ZNF227: variants seen among roughly 807,000 people sequenced by gnomAD.
ZNF227 encodes zinc finger protein 227.
A neutral mutation model predicts 13.2 loss-of-function variants in ZNF227; 12 were observed. That is an observed-to-expected ratio of 0.91 (90% CI 0.58 to 1.47). ZNF227 has a LOEUF of 1.47. Among genes scored for constraint, ZNF227 ranks in the 40% most tolerant of loss-of-function variants. The probability of loss-of-function intolerance (pLI) is 0.00; values close to 1 mark genes in which losing one functional copy is unlikely to be tolerated. For synonymous variants in ZNF227, 338 were observed against 326.0 expected (o/e 1.04, Z -0.40); for missense variants, 885 against 967.5 (o/e 0.91, Z 1.13).
At position 44,236,966 on chromosome 19, in the gene ZNF227, T is replaced by C. The variant is rs1281753759; in HGVS notation, c.*136T>C. 2 of 675,238 alleles carry C rather than the reference T, an allele frequency of 3.0e-6. No homozygotes were observed. The highest frequency in any genetic ancestry group is 4.2e-5 in the South Asian group (2 of 47,918). The allele number at this position is 675,238 out of a possible 1,614,324, so 41.8% of individuals were successfully genotyped here. On this transcript the variant is annotated 3_prime_UTR_variant, in exon 6 of 6. Transcript: ENST00000313040. ...TCACACTTGGAATCTTTCTAACAAA[T>C]CCATCAAGATGATAACACAGAACCA...
At chr19:44,228,597 TG>T in intron 4 of ZNF227, 25 bp downstream of exon 4, 2 of 1,584,300 alleles carry the variant, frequency 1.3e-6, no homozygotes, top group Non-Finnish European at 1.7e-6. Flanking sequence ...TCTCTGACCC[TG>T]AACTTCAGTT....
At chr19:44,231,114 ATT>A (rs933641893) in intron 5 of ZNF227, among the ~76,000 whole-genome samples, 7 of 141,920 alleles carry the variant, frequency 4.9e-5, no homozygotes, top group East Asian at 2.0e-4. Context: ...GATGATGTGA[ATT>A]TTTTTTTTTT....
At chr19:44,209,373 T>C (rs1282706081), upstream of ZNF227, among the ~76,000 whole-genome samples, 1 of 152,174 alleles carries the variant, frequency 6.6e-6, no homozygotes, top group Non-Finnish European at 1.5e-5. Flanking sequence ...CGGTAGAAAT[T>C]AAAAGTAATT....
At chr19:44,210,948 C>A (rs888505707), upstream of ZNF227, among the ~76,000 whole-genome samples, 3 of 152,098 alleles carry the variant, frequency 2.0e-5, no homozygotes, top group Non-Finnish European at 4.4e-5. Context: ...AATCCTAGCA[C>A]TTTGGGAGGC....
chr19:44,221,522 G>A (rs1432578263), intron 3 of ZNF227, among the ~76,000 whole-genome samples: 2 of 152,176 alleles, frequency 1.3e-5, no homozygotes, highest in Non-Finnish European at 2.9e-5. Context: ...GTGATGGTGA[G>A]CATTTTTTCA....
At chr19:44,208,038 GATA>G (rs1204265937), upstream of ZNF227, among the ~76,000 whole-genome samples, 1 of 152,160 alleles carries the variant, frequency 6.6e-6, no homozygotes, top group African/African-American at 2.4e-5. Flanking sequence ...GAGAGACGAA[GATA>G]ATAGACCTCT....
Position 44,234,769 on chromosome 19 carries a change from G to T in ZNF227, c.339G>T (p.Glu113Asp). 1 of 1,612,834 alleles carries T rather than the reference G, an allele frequency of 6.2e-7. No homozygotes were observed. The highest frequency in any genetic ancestry group is 8.5e-7 in the Non-Finnish European group (1 of 1,179,758). The change falls in exon 6 of 6, where the codon GAG becomes GAT. Residue 113 changes from glutamate to aspartate, a missense_variant. Physicochemically the swap from Glu to Asp is conservative, Grantham distance 45 (BLOSUM62 2). Transcript: ENST00000313040. ...CATTAAAATACCTTTCAAATCAAGA[G>T]CTGTCCTGCTGGCAAATCTGGAAAC... ...KFALKYLSNQ[E>D]LSCWQIWKQV...
At chr19:44,212,110 G>C (rs1370882328), upstream of ZNF227, among the ~76,000 whole-genome samples, 1 of 151,726 alleles carries the variant, frequency 6.6e-6, no homozygotes, top group Non-Finnish European at 1.5e-5. Context: ...AGCTGGTCTG[G>C]AACTCCTGAC....
intron 2 of ZNF227, among the ~76,000 whole-genome samples, chr19:44,214,467 C>T (rs1971635303): frequency 6.6e-6 from 1 of 151,902 alleles, no homozygotes; most frequent in Admixed American, 6.6e-5. Flanking sequence ...CAACCTCCAC[C>T]TCCCAGGTTC....
chr19:44,235,411 C>T lies in ZNF227; in HGVS notation c.981C>T (p.Asp327=). The change falls in exon 6 of 6, where the codon GAC becomes GAT. Residue 327 remains aspartate (D), a synonymous_variant. Coordinates refer to ENST00000313040, the MANE Select transcript of ZNF227 (RefSeq NM_182490.3). ...NHTGEKSYRC[D]SCGKGFSSST... ...CAGGAGAGAAGTCTTATAGATGCGA[C>T]AGTTGCGGCAAGGGATTCAGTAGCA... 1.2e-6 allele frequency: 2 copies of T among 1,614,082 alleles called. No homozygotes were observed. The highest frequency in any genetic ancestry group is 1.3e-5 in the African/African-American group (1 of 75,036).
At chr19:44,216,008 A>G (rs1365676114) in intron 2 of ZNF227, among the ~76,000 whole-genome samples, 2 of 136,148 alleles carry the variant, frequency 1.5e-5, no homozygotes, top group Non-Finnish European at 3.1e-5. Context: ...AAAAAAAAAA[A>G]AAGATGTACC....
chr19:44,220,262 C>T (rs935191580), intron 3 of ZNF227, among the ~76,000 whole-genome samples: 5 of 152,086 alleles, frequency 3.3e-5, no homozygotes, highest in Non-Finnish European at 7.4e-5. Flanking sequence ...GTCTTTATAG[C>T]AGCATGATTT....
At chr19:44,221,342 C>G (rs1439323229) in intron 3 of ZNF227, among the ~76,000 whole-genome samples, 1 of 152,220 alleles carries the variant, frequency 6.6e-6, no homozygotes, top group Admixed American at 6.5e-5. Context: ...GCCACACTGA[C>G]TTCCACAATG....
Position 44,229,792 on chromosome 19 carries a change from A to G in ZNF227, c.247A>G (p.Met83Val). The G allele has an allele frequency of 6.3e-7, 1 of 1,584,306 alleles. No homozygotes were observed. The stretch of plus-strand genomic sequence containing the variant: ...ATTGGAAGCAGAAGAAAAGCTTTGG[A>G]TGATGGAAACAGAAACCCAAAGAAG... The part of the protein sequence containing the change: ...SQLEAEEKLW[M>V]METETQRSSK... Residue 83 changes from methionine to valine, a missense_variant, in exon 5 of 6, where the codon ATG (methionine) becomes GTG (valine). Physicochemically the swap from Met to Val is conservative, Grantham distance 21. Coordinates refer to ENST00000313040, the MANE Select transcript of ZNF227 (RefSeq NM_182490.3).
At chr19:44,232,272 C>T (rs1471531313) in intron 5 of ZNF227, among the ~76,000 whole-genome samples, 1 of 152,204 alleles carries the variant, frequency 6.6e-6, no homozygotes, top group Non-Finnish European at 1.5e-5. Flanking sequence ...CTTCTGACAC[C>T]AAACACCTGA....
At chr19:44,230,568 A>G (rs1973675641) in intron 5 of ZNF227, among the ~76,000 whole-genome samples, 1 of 151,916 alleles carries the variant, frequency 6.6e-6, no homozygotes, top group South Asian at 2.1e-4. Flanking sequence ...AGCTCTCCTC[A>G]TTGCCTTGGT....
At chr19:44,232,945 A>G (rs1029207365) in intron 5 of ZNF227, among the ~76,000 whole-genome samples, 2 of 152,182 alleles carry the variant, frequency 1.3e-5, no homozygotes, top group Admixed American at 1.3e-4. Context: ...TGCTGGGATT[A>G]CAGGTGTGAG....
chr19:44,226,510 T>C (rs967139601), intron 3 of ZNF227, among the ~76,000 whole-genome samples: 1 of 152,200 alleles, frequency 6.6e-6, no homozygotes, highest in Non-Finnish European at 1.5e-5. Flanking sequence ...GCTGCCTCCT[T>C]GCAGTTTGAT....
upstream of ZNF227, among the ~76,000 whole-genome samples, chr19:44,211,770 G>C (rs1971377475): frequency 1.4e-5 from 2 of 144,804 alleles, no homozygotes; most frequent in South Asian, 4.3e-4. Flanking sequence ...TTTTCTATTA[G>C]TCGATCCTGT....
Sources: allele counts gnomAD v4.1 joint callset (sites outside exome capture counted in the v4.1 genomes callset), GRCh38; gene constraint gnomAD v4.1.1; transcripts MANE v1.5; gene names NCBI Gene and HGNC (gene_info 2026-07-23, HGNC 2026-07-21).